The following FGD6 variants were observed in gnomAD, a reference collection of about 807,000 sequenced individuals.
FGD6 encodes the protein FYVE, RhoGEF and PH domain-containing protein 6.
Under a neutral mutation model 149.4 loss-of-function variants are expected in FGD6, and 90 were observed. That is an observed-to-expected ratio of 0.60 (90% CI 0.51 to 0.72). The LOEUF (loss-of-function observed/expected upper bound fraction) is 0.72. FGD6 is among the 30% of genes least tolerant of loss of function. The probability of loss-of-function intolerance (pLI) is 0.00; values close to 1 mark genes in which losing one functional copy is unlikely to be tolerated. For missense variants in FGD6, 1,437 were observed against 1,684.8 expected (o/e 0.85, Z 2.57); for synonymous variants, 527 against 584.0 (o/e 0.90, Z 1.41).
chr12:95,118,101 A>T (rs922144309), intron 8 of FGD6, among the ~76,000 whole-genome samples: 3 of 152,162 alleles, frequency 2.0e-5, no homozygotes, highest in Non-Finnish European at 4.4e-5. Flanking sequence ...CTGTAATCCC[A>T]GTACTTTGGG....
intron 7 of FGD6, among the ~76,000 whole-genome samples, chr12:95,135,716 CA>C (rs1879646309): frequency 6.6e-6 from 1 of 152,178 alleles, no homozygotes; most frequent in South Asian, 2.1e-4. Flanking sequence ...AGACTTTTAT[CA>C]TTTTCTAAAT....
intron 8 of FGD6, among the ~76,000 whole-genome samples, chr12:95,113,989 G>A (rs1023211905): frequency 6.6e-6 from 1 of 152,178 alleles, no homozygotes; most frequent in African/African-American, 2.4e-5. Flanking sequence ...CTAGTTGGCA[G>A]AGCCAGCATG....
At position 95,177,215 on chromosome 12, in the gene FGD6, A is replaced by G. The variant is rs898884261; in HGVS notation, c.2442-4471T>C. Among the ~76,000 whole-genome samples, 4 of 152,322 alleles carry G rather than the reference A, an allele frequency of 2.6e-5. No individual in the cohort carries two copies. The South Asian group carries it at 8.3e-4, about 32-fold the overall frequency. On this transcript the variant is annotated intron_variant, in intron 2 of 20. Coordinates refer to ENST00000343958, the MANE Select transcript of FGD6 (RefSeq NM_018351.4). The stretch of plus-strand genomic sequence containing the variant: ...TGTACAATGATAAGCCAGCATAGCA[A>G]CTGCCAGGTTCACCAAAAAACATCC...
intron 2 of FGD6, among the ~76,000 whole-genome samples, chr12:95,196,035 G>A (rs1056630144): frequency 5.3e-5 from 8 of 152,024 alleles, no homozygotes; most frequent in African/African-American, 9.7e-5. Flanking sequence ...CAGGATAATC[G>A]CTTGAAACCG....
chr12:95,209,078 G>A lies in FGD6; in HGVS notation c.2206C>T (p.Pro736Ser). The part of the protein sequence containing the change: ...MLSRESSSQA[P>S]YKSVTSLCAP... ...CAGAGGCTTGTAACAGACTTGTAAGGTGCCTGAGATGATGACTCCCGGGAG... is the reference window on the plus strand; with the variant it reads ...CAGAGGCTTGTAACAGACTTGTAAGATGCCTGAGATGATGACTCCCGGGAG... Residue 736 changes from proline to serine, a missense_variant, in exon 2 of 21, where the codon CCT becomes TCT. Pro to Ser is a moderately conservative substitution (Grantham distance 74). Transcript: ENST00000343958. The A allele has an allele frequency of 6.2e-7, 1 of 1,614,096 alleles. No individual in the cohort carries two copies. Among genetic ancestry groups the A allele is most frequent in the Non-Finnish European group, 8.5e-7 (1 of 1,180,022 alleles).
At chr12:95,159,479 CAT>C (rs796888546) in intron 3 of FGD6, among the ~76,000 whole-genome samples, 141 of 152,164 alleles carry the variant, frequency 9.3e-4, no homozygotes, top group African/African-American at 3.3e-3. Flanking sequence ...AAAGATAAAC[CAT>C]AGACTGGAGA....
chr12:95,125,353 C>T (rs1341696240), intron 8 of FGD6, among the ~76,000 whole-genome samples: 1 of 152,152 alleles, frequency 6.6e-6, no homozygotes, highest in Non-Finnish European at 1.5e-5. Flanking sequence ...TCATGGATGG[C>T]TAGGTGTAGT....
At chr12:95,160,759 G>A (rs1198843902) in intron 3 of FGD6, among the ~76,000 whole-genome samples, 1 of 152,164 alleles carries the variant, frequency 6.6e-6, no homozygotes, top group African/African-American at 2.4e-5. Context: ...ACCTGTGTGG[G>A]AGGCTGAGGC....
At chr12:95,158,334 ATT>A (rs574831510) in intron 3 of FGD6, among the ~76,000 whole-genome samples, 1 of 141,014 alleles carries the variant, frequency 7.1e-6, no homozygotes. Context: ...TGCACGGCTA[ATT>A]TTTTTTTTTT....
intron 8 of FGD6, among the ~76,000 whole-genome samples, chr12:95,122,216 TG>T (rs1158833540): frequency 8.5e-5 from 13 of 152,198 alleles, no homozygotes; most frequent in Non-Finnish European, 1.5e-5. Context: ...GAATATGTAA[TG>T]TCATGAATAT....
chr12:95,106,280 T>C lies in FGD6; in HGVS notation c.3417+674A>G, dbSNP rs200588976. On this transcript the variant is annotated intron_variant, in intron 13 of 20. Transcript: ENST00000343958. Reference sequence around the variant, plus strand: ...CCCAGCCTTTATTTGGGCTTTTTTTTTTTTTTTTGAGAAGGAGTCTCACTC... The same window carrying C: ...CCCAGCCTTTATTTGGGCTTTTTTTCTTTTTTTTGAGAAGGAGTCTCACTC... Among the ~76,000 whole-genome samples, 42 of 149,690 alleles carry C rather than the reference T, an allele frequency of 2.8e-4. No homozygotes were observed. The East Asian group carries it at 8.5e-3, about 30-fold the overall frequency.
chr12:95,083,267 G>C (rs188054309), intron 20 of FGD6, among the ~76,000 whole-genome samples: 1 of 151,000 alleles, frequency 6.6e-6, no homozygotes, highest in Non-Finnish European at 1.5e-5. Flanking sequence ...ACTTCAAAAA[G>C]CAATCCATAT....
intron 4 of FGD6, 24 bp downstream of exon 4, chr12:95,152,902 C>T (rs200300489): frequency 1.0e-4 from 165 of 1,613,740 alleles, no homozygotes; most frequent in Non-Finnish European, 1.3e-4. Context: ...AAACAGTCTT[C>T]TGAATTGTAA....
intron 18 of FGD6, among the ~76,000 whole-genome samples, chr12:95,086,287 G>A (rs1877860375): frequency 6.6e-6 from 1 of 151,548 alleles, no homozygotes; most frequent in East Asian, 1.9e-4. Context: ...TCTTATTTTG[G>A]GGCATCAGGG....
intron 2 of FGD6, among the ~76,000 whole-genome samples, chr12:95,173,329 A>G (rs1193571154): frequency 2.6e-5 from 4 of 152,228 alleles, no homozygotes; most frequent in African/African-American, 9.6e-5. Context: ...GACCTGCTGC[A>G]TTAGAACTAC....
At chr12:95,192,719 T>C (rs1378228603) in intron 2 of FGD6, among the ~76,000 whole-genome samples, 3 of 151,628 alleles carry the variant, frequency 2.0e-5, no homozygotes, top group African/African-American at 7.3e-5. Context: ...GGGAGGGGAG[T>C]GTATTTTGTT....
At chr12:95,094,825 C>T in intron 14 of FGD6, 131 bp from the exon 15 acceptor site, 1 of 657,770 alleles carries the variant, frequency 1.5e-6, no homozygotes, top group African/African-American at 1.8e-5. Flanking sequence ...AGCAACTCCT[C>T]AGAGTTGAGG....
chr12:95,217,339 GCAGCGCCCA>G lies in FGD6; in HGVS notation c.-108_-100del. ...GTTCGGGTAGGAGAGAAAAGCCCCC[GCAGCGCCCA>G]CATTCCGTCCCGCCGCCCCGCGGCG... On this transcript the variant is annotated 5_prime_UTR_variant, in exon 1 of 21. Transcript: ENST00000343958. The G allele has an allele frequency of 7.0e-7, 1 of 1,434,106 alleles. No homozygotes were observed. 88.8% of individuals were successfully genotyped at this position (1,434,106 alleles called of 1,614,324 possible). A position where few individuals can be genotyped will look rare whatever the true frequency, so the allele number is the denominator to read the frequency against.
chr12:95,212,257 T>G lies in FGD6; in HGVS notation c.17-990A>C, dbSNP rs557005637. Among the ~76,000 whole-genome samples, 6 of 152,336 alleles carry G rather than the reference T, an allele frequency of 3.9e-5. 1 individual carries two copies. In the South Asian group the frequency reaches 1.0e-3, roughly 26 times the overall value. On this transcript the variant is annotated intron_variant, in intron 1 of 20. Transcript: ENST00000343958. ...TCTGGGGATAGATCCTGGACATCTG[T>G]ACATCTTTTAAGTTCCACAGGTTAT... is the stretch of plus-strand genomic sequence containing the variant.
Sources: allele counts gnomAD v4.1 joint callset (sites outside exome capture counted in the v4.1 genomes callset), GRCh38; gene constraint gnomAD v4.1.1; transcripts MANE v1.5; gene names NCBI Gene and HGNC (gene_info 2026-07-23, HGNC 2026-07-21).